Variants in RCBTB2 observed in about 807,000 individuals in gnomAD.
RCBTB2 encodes the protein RCC1 and BTB domain-containing protein 2.
A neutral mutation model predicts 65.4 loss-of-function variants in RCBTB2; 55 were observed. That is an observed-to-expected ratio of 0.84 (90% CI 0.68 to 1.05). The LOEUF (loss-of-function observed/expected upper bound fraction) is 1.05. Ranked by LOEUF, RCBTB2 falls within the 50% of genes least tolerant of loss-of-function variation. The pLI, the probability that RCBTB2 is intolerant of heterozygous loss-of-function variation, is 0.00. For missense variants in RCBTB2, 599 were observed against 680.1 expected, an observed-to-expected ratio of 0.88 and a Z score of 1.33; for synonymous variants, 220 against 255.2, an observed-to-expected ratio of 0.86 and a Z score of 1.31.
chr13:48,513,575 GTTTACTAAT>G (rs998653296), intron 6 of RCBTB2, among the ~76,000 whole-genome samples: 1 of 151,970 alleles, frequency 6.6e-6, no homozygotes, highest in African/African-American at 2.4e-5. Flanking sequence ...TTATCTTCTG[GTTTACTAAT>G]TTTACTAATT....
At chr13:48,512,941 C>A (rs1950887477) in intron 6 of RCBTB2, 46 bp from the exon 7 acceptor site, 2 of 1,503,126 alleles carry the variant, frequency 1.3e-6, no homozygotes, top group Non-Finnish European at 1.8e-6. Flanking sequence ...ACATCTACTT[C>A]ATTATACGAA....
intron 2 of RCBTB2, among the ~76,000 whole-genome samples, chr13:48,524,348 T>C (rs1951591676): frequency 6.6e-6 from 1 of 152,162 alleles, no homozygotes; most frequent in African/African-American, 2.4e-5. Flanking sequence ...ACAACAGCAA[T>C]AACAACAGTA....
chr13:48,502,667 C>T, intron 11 of RCBTB2, 57 bp downstream of exon 11: 1 of 1,517,978 alleles, frequency 6.6e-7, no homozygotes, highest in South Asian at 1.2e-5. Flanking sequence ...AAAGTAAAGC[C>T]CTGAGCTCTT....
At chr13:48,509,468 G>A (rs891445479) in intron 10 of RCBTB2, among the ~76,000 whole-genome samples, 1 of 152,052 alleles carries the variant, frequency 6.6e-6, no homozygotes, top group African/African-American at 2.4e-5. Context: ...GTTATTCAAA[G>A]CCTCAGGACT....
intron 4 of RCBTB2, 139 bp downstream of exon 4, chr13:48,521,759 A>C (rs1026328201): frequency 1.3e-6 from 1 of 757,006 alleles, no homozygotes. Flanking sequence ...ATCTGTTGGC[A>C]TCTCAGTGAT....
chr13:48,512,200 G>GA, intron 7 of RCBTB2, 26 bp from the exon 8 acceptor site: 1 of 1,594,960 alleles, frequency 6.3e-7, no homozygotes, highest in South Asian at 1.1e-5. Context: ...ATCAGTAAAT[G>GA]AAACAGATTA....
In RCBTB2 at chr13:48,501,969, T is replaced by C. The variant is rs1950256934; in HGVS notation, c.1118-101A>G. On this transcript the variant is annotated intron_variant, in intron 11 of 14. Coordinates refer to ENST00000344532, the MANE Select transcript of RCBTB2 (RefSeq NM_001268.4). ...CTACTGGTACTCATGAAAGTACCAA[T>C]TCCTCAAAATAACTGAGCAACTGAG... 3.1e-6 allele frequency: 3 copies of C among 970,402 alleles called. No individual in the cohort carries two copies. The East Asian group carries it at 8.4e-5, about 27-fold the overall frequency. 60.1% of individuals were successfully genotyped at this position (970,402 alleles called of 1,614,324 possible).
At chr13:48,505,809 C>T (rs971134774) in intron 10 of RCBTB2, among the ~76,000 whole-genome samples, 1 of 152,086 alleles carries the variant, frequency 6.6e-6, no homozygotes, top group Admixed American at 6.5e-5. Flanking sequence ...AATCCTCTCA[C>T]GGTTTGTGGT....
intron 1 of RCBTB2, among the ~76,000 whole-genome samples, chr13:48,528,251 T>C (rs533487259): frequency 6.6e-6 from 1 of 152,168 alleles, no homozygotes; most frequent in Non-Finnish European, 1.5e-5. Context: ...CAGGGGCTTC[T>C]AAATGCTAAT....
intron 5 of RCBTB2, 61 bp downstream of exon 5, chr13:48,515,524 CT>C: frequency 6.8e-7 from 1 of 1,471,112 alleles, no homozygotes; most frequent in Non-Finnish European, 9.2e-7. Context: ...CCCCCAAGAT[CT>C]TCAATTTGGC....
chr13:48,489,791 A>G lies in RCBTB2; in HGVS notation c.*320T>C, dbSNP rs149175309. 1 of 326,108 alleles carries G rather than the reference A, an allele frequency of 3.1e-6. No individual in the cohort carries two copies. Among genetic ancestry groups the G allele is most frequent in the East Asian group, 8.2e-5 (1 of 12,246 alleles). The allele number at this position is 326,108 out of a possible 1,614,324, so 20.2% of individuals were successfully genotyped here. A position where few individuals can be genotyped will look rare whatever the true frequency, so the allele number is the denominator to read the frequency against. On this transcript the variant is annotated 3_prime_UTR_variant, in exon 15 of 15. Transcript: ENST00000344532. ...GTATCAGCCAGCTGAATAATGGAAC[A>G]TTTGGGCCAGAATAGCATATACTGA...
intron 11 of RCBTB2, 83 bp downstream of exon 11, chr13:48,502,641 C>CAAA: frequency 7.3e-7 from 1 of 1,373,228 alleles, no homozygotes; most frequent in Non-Finnish European, 9.9e-7. Context: ...GTGCACCTAA[C>CAAA]AAAATCCTCA....
intron 1 of RCBTB2, among the ~76,000 whole-genome samples, chr13:48,526,166 C>T (rs998873428): frequency 8.5e-5 from 13 of 152,098 alleles, no homozygotes; most frequent in African/African-American, 3.1e-4. Flanking sequence ...TTTGCCTTTA[C>T]CAAGGACATG....
intron 7 of RCBTB2, 22 bp downstream of exon 7, chr13:48,512,707 G>T: frequency 6.2e-7 from 1 of 1,606,490 alleles, no homozygotes; most frequent in Non-Finnish European, 8.5e-7. Context: ...AAATCAATGA[G>T]CTTTATGCTG....
At position 48,502,589 on chromosome 13, in the gene RCBTB2, T is replaced by C. The variant is rs938955199; in HGVS notation, c.1117+135A>G. ...ATGCTCTGAAGAAAATAAAATTAGT[T>C]CCCTTTTGTAGAAGCCCATCAGAGA... is the stretch of plus-strand genomic sequence containing the variant. On this transcript the variant is annotated intron_variant, in intron 11 of 14. Coordinates refer to ENST00000344532, the MANE Select transcript of RCBTB2 (RefSeq NM_001268.4). The C allele has an allele frequency of 4.9e-6, 4 of 817,102 alleles. No individual in the cohort carries two copies. In the African/African-American group the frequency reaches 7.1e-5, roughly 14 times the overall value. The allele number at this position is 817,102 out of a possible 1,614,324, so 50.6% of individuals were successfully genotyped here. A position where few individuals can be genotyped will look rare whatever the true frequency, so the allele number is the denominator to read the frequency against.
At chr13:48,512,598 G>T in intron 7 of RCBTB2, 131 bp downstream of exon 7, 1 of 774,248 alleles carries the variant, frequency 1.3e-6, no homozygotes, top group Non-Finnish European at 2.0e-6. Flanking sequence ...ACTGTGAATT[G>T]CTACCAAAAA....
chr13:48,518,137 A>T (rs971353898), intron 4 of RCBTB2, among the ~76,000 whole-genome samples: 1 of 152,214 alleles, frequency 6.6e-6, no homozygotes, highest in African/African-American at 2.4e-5. Flanking sequence ...TCTAGCCTCC[A>T]GAACTGTGAG....
intron 1 of RCBTB2, 120 bp from the exon 2 acceptor site, chr13:48,524,877 T>C (rs1951621979): frequency 6.6e-6 from 1 of 152,192 alleles, no homozygotes; most frequent in South Asian, 2.1e-4. Flanking sequence ...AAAAATTGTA[T>C]CTGTGCTATC....
intron 1 of RCBTB2, among the ~76,000 whole-genome samples, chr13:48,529,181 G>T (rs1951966740): frequency 6.6e-6 from 1 of 152,100 alleles, no homozygotes; most frequent in Admixed American, 6.5e-5. Context: ...GCACTAATGT[G>T]AGTTGAGATT....
Sources: gnomAD v4.1 joint callset for allele counts (sites outside exome capture counted in the v4.1 genomes callset) on GRCh38, gnomAD v4.1.1 for gene constraint, MANE v1.5 for transcripts, NCBI Gene and HGNC (gene_info 2026-07-23, HGNC 2026-07-21) for gene names.